The following NXPH3 variants were observed in gnomAD, a reference collection of about 807,000 sequenced individuals.
The protein encoded by NXPH3 is neurexophilin-3.
Under a neutral mutation model 18.8 loss-of-function variants are expected in NXPH3, and 7 were observed. The ratio of observed to expected loss-of-function variants is 0.37; its 90% CI spans 0.21 to 0.70. The LOEUF (loss-of-function observed/expected upper bound fraction) is 0.70. Among genes scored for constraint, NXPH3 ranks in the 30% least tolerant of loss-of-function variants. The pLI is 0.53. For synonymous variants in NXPH3, 101 were observed against 137.3 expected, an observed-to-expected ratio of 0.74 and a Z score of 1.85; for missense variants, 282 against 338.1, an observed-to-expected ratio of 0.83 and a Z score of 1.30.
chr17:49,582,162 C>T lies in NXPH3; in HGVS notation c.*2862C>T, dbSNP rs1439195589. The T allele has an allele frequency of 2.2e-6, 1 of 457,456 alleles. No homozygotes were observed. The highest frequency in any genetic ancestry group is 3.9e-6 in the Non-Finnish European group (1 of 259,438). 28.3% of individuals were successfully genotyped at this position (457,456 alleles called of 1,614,324 possible). ...GGCTAAGAAGACGTCACCTCTGCCC[C>T]ATTGGCGAGCAGTGTCCCCATGGTG... On this transcript the variant is annotated 3_prime_UTR_variant, in exon 2 of 2. Transcript: ENST00000328741.
Position 49,581,949 on chromosome 17 carries a change from C to G in NXPH3, c.*2649C>G. 3.3e-6 allele frequency: 2 copies of G among 603,904 alleles called. No homozygotes were observed. The highest frequency in any genetic ancestry group is 6.1e-4 in the Middle Eastern group (2 of 3,304). The allele number at this position is 603,904 out of a possible 1,614,324, so 37.4% of individuals were successfully genotyped here. ...TAACTTCATTTCACCCTCATGCACA[C>G]TGCCGCCTCATCCCTCCTTTCCACC... On this transcript the variant is annotated 3_prime_UTR_variant, in exon 2 of 2. Transcript: ENST00000328741.
chr17:49,581,810 T>A lies in NXPH3; in HGVS notation c.*2510T>A, dbSNP rs2071602088. ...ACTCTCAGCAGGCACTGGGGGCACT[T>A]TGACCCCCCTCCTGCTCCTCTCCTC... On this transcript the variant is annotated 3_prime_UTR_variant, in exon 2 of 2. Coordinates refer to ENST00000328741, the MANE Select transcript of NXPH3 (RefSeq NM_007225.4). 1 of 701,524 alleles carries A rather than the reference T, an allele frequency of 1.4e-6. No homozygotes were observed. Among genetic ancestry groups the A allele is most frequent in the East Asian group, 2.7e-5 (1 of 37,274 alleles). The allele number at this position is 701,524 out of a possible 1,614,324, so 43.5% of individuals were successfully genotyped here. A position where few individuals can be genotyped will look rare whatever the true frequency, so the allele number is the denominator to read the frequency against.
Position 49,578,096 on chromosome 17 carries a change from CCTGT to C in NXPH3, c.55-496_55-493del, listed in dbSNP as rs1286899262. On this transcript the variant is annotated intron_variant, in intron 1 of 1. Transcript: ENST00000328741. This position sits in a 1 kb window ranked among gnomAD's most constrained non-coding sequence, Gnocchi z 4.5. ...TCTCCCAGGATAAGAATGGTGCTTC[CCTGT>C]CTGACTCGGGGCTGTTTCAGAGCAG... The C allele has an allele frequency of 5.8e-5, 9 of 153,902 alleles. No homozygotes were observed. The highest frequency in any genetic ancestry group is 2.2e-4 in the African/African-American group (9 of 41,490). The allele number at this position is 153,902 out of a possible 1,614,324, so 9.5% of individuals were successfully genotyped here.
At position 49,583,737 on chromosome 17, in the gene NXPH3, C is replaced by T. The variant is rs557951779; in HGVS notation, c.*4437C>T. The T allele has an allele frequency of 2.6e-5, 4 of 152,296 alleles. No individual in the cohort carries two copies. In the South Asian group the frequency reaches 6.2e-4, roughly 24 times the overall value. The allele number at this position is 152,296 out of a possible 1,614,324, so 9.4% of individuals were successfully genotyped here. ...GACAAATGACATAATTTCCCAGAGC[C>T]TCCTTAGATAAAAAACTAGGGCTTT... On this transcript the variant is annotated 3_prime_UTR_variant, in exon 2 of 2. Transcript: ENST00000328741.
At chr17:49,577,318 A>G (rs773367257) in intron 1 of NXPH3, among the ~76,000 whole-genome samples, 4 of 152,176 alleles carry the variant, frequency 2.6e-5, no homozygotes, top group African/African-American at 4.8e-5. Flanking sequence ...GAACACAGGC[A>G]TGAGGACCCC....
Position 49,578,644 on chromosome 17 carries a change from C to G in NXPH3, c.103C>G (p.Arg35Gly). 6.2e-7 allele frequency: 1 copy of G among 1,600,652 alleles called. No homozygotes were observed. The highest frequency in any genetic ancestry group is 8.5e-7 in the Non-Finnish European group (1 of 1,173,900). ...DGPPGSEDPE[R>G]DDHEGQPRPR... Reference sequence around the variant, plus strand: ...TCCTCCCGGCTCAGAGGACCCTGAGCGTGATGACCACGAGGGCCAGCCCCG... The same window carrying G: ...TCCTCCCGGCTCAGAGGACCCTGAGGGTGATGACCACGAGGGCCAGCCCCG... Residue 35 changes from arginine to glycine, a missense_variant, in exon 2 of 2, where the codon CGT becomes GGT. Arg to Gly is a moderately radical substitution (Grantham distance 125, BLOSUM62 -2). Transcript: ENST00000328741. The surrounding 1 kb of genome is among the most constrained non-coding windows in gnomAD (Gnocchi z 4.5).
chr17:49,579,397 C>A lies in NXPH3; in HGVS notation c.*97C>A. 1 of 1,100,904 alleles carries A rather than the reference C, an allele frequency of 9.1e-7. No individual in the cohort carries two copies. Among genetic ancestry groups the A allele is most frequent in the Non-Finnish European group, 1.3e-6 (1 of 774,792 alleles). 68.2% of individuals were successfully genotyped at this position (1,100,904 alleles called of 1,614,324 possible). A position where few individuals can be genotyped will look rare whatever the true frequency, so the allele number is the denominator to read the frequency against. Reference sequence around the variant, plus strand: ...ACCGGGCAGGGAAGGGGTTGGGCCTCAGGCAGGGAGGGGGGTGGAGACGAG... The same window carrying A: ...ACCGGGCAGGGAAGGGGTTGGGCCTAAGGCAGGGAGGGGGGTGGAGACGAG... On this transcript the variant is annotated 3_prime_UTR_variant, in exon 2 of 2. Transcript: ENST00000328741. This position sits in a 1 kb window ranked among gnomAD's most constrained non-coding sequence, Gnocchi z 6.0.
chr17:49,576,062 G>T lies in NXPH3; in HGVS notation c.-158G>T. 2 of 756,352 alleles carry T rather than the reference G, an allele frequency of 2.6e-6. No individual in the cohort carries two copies. Among genetic ancestry groups the T allele is most frequent in the Non-Finnish European group, 4.3e-6 (2 of 468,948 alleles). The allele number at this position is 756,352 out of a possible 1,614,324, so 46.9% of individuals were successfully genotyped here. On this transcript the variant is annotated 5_prime_UTR_variant, in exon 1 of 2. Transcript: ENST00000328741. ...CGGCGGCTGCACAGCTGGACCGAAG[G>T]GGGCGGGGTCGGCCCTGGGCGACCC...
In NXPH3 at chr17:49,579,413, T is replaced by C. The variant is rs765934140; in HGVS notation, c.*113T>C. ...GTTGGGCCTCAGGCAGGGAGGGGGGTGGAGACGAGGAGATGCCAAGTGGGG... is the reference window on the plus strand; with the variant it reads ...GTTGGGCCTCAGGCAGGGAGGGGGGCGGAGACGAGGAGATGCCAAGTGGGG... On this transcript the variant is annotated 3_prime_UTR_variant, in exon 2 of 2. Transcript: ENST00000328741. This position sits in a 1 kb window ranked among gnomAD's most constrained non-coding sequence, Gnocchi z 6.0. The C allele has an allele frequency of 6.0e-5, 56 of 934,636 alleles. No homozygotes were observed. Among genetic ancestry groups the C allele is most frequent in the Non-Finnish European group, 8.4e-5 (53 of 632,990 alleles). 57.9% of individuals were successfully genotyped at this position (934,636 alleles called of 1,614,324 possible). A position where few individuals can be genotyped will look rare whatever the true frequency, so the allele number is the denominator to read the frequency against.
chr17:49,576,162 A>C lies in NXPH3; in HGVS notation c.-58A>C. The C allele has an allele frequency of 4.5e-6, 7 of 1,546,128 alleles. No individual in the cohort carries two copies. Among genetic ancestry groups the C allele is most frequent in the Non-Finnish European group, 5.3e-6 (6 of 1,142,678 alleles). On this transcript the variant is annotated 5_prime_UTR_variant, in exon 1 of 2. Coordinates refer to ENST00000328741, the MANE Select transcript of NXPH3 (RefSeq NM_007225.4). ...GCCTGAAGGAGCAGGAAGGGGAAGG[A>C]GGCCTGGGACCCCGAAAAGAGAAGG...
Position 49,579,402 on chromosome 17 carries a change from A to G in NXPH3, c.*102A>G. 9.6e-7 allele frequency: 1 copy of G among 1,044,384 alleles called. No individual in the cohort carries two copies. Among genetic ancestry groups the G allele is most frequent in the Non-Finnish European group, 1.4e-6 (1 of 725,676 alleles). 64.7% of individuals were successfully genotyped at this position (1,044,384 alleles called of 1,614,324 possible). A position where few individuals can be genotyped will look rare whatever the true frequency, so the allele number is the denominator to read the frequency against. The stretch of plus-strand genomic sequence containing the variant: ...GCAGGGAAGGGGTTGGGCCTCAGGC[A>G]GGGAGGGGGGTGGAGACGAGGAGAT... On this transcript the variant is annotated 3_prime_UTR_variant, in exon 2 of 2. Coordinates refer to ENST00000328741, the MANE Select transcript of NXPH3 (RefSeq NM_007225.4). This position sits in a 1 kb window ranked among gnomAD's most constrained non-coding sequence, Gnocchi z 6.0.
chr17:49,576,296 C>T (rs1416142877), intron 1 of NXPH3, 23 bp downstream of exon 1: 1 of 1,558,452 alleles, frequency 6.4e-7, no homozygotes, highest in Non-Finnish European at 8.7e-7. Flanking sequence ...AGGGGAGCTG[C>T]GCAGAGGGGC....
Position 49,578,404 on chromosome 17 carries a change from G to C in NXPH3, c.55-192G>C, listed in dbSNP as rs544130029. 2.0e-5 allele frequency among the ~76,000 whole-genome samples: 3 copies of C among 151,664 alleles called. No individual in the cohort carries two copies. The highest frequency in any genetic ancestry group is 6.6e-5 in the Admixed American group (1 of 15,244). On this transcript the variant is annotated intron_variant, in intron 1 of 1. Coordinates refer to ENST00000328741, the MANE Select transcript of NXPH3 (RefSeq NM_007225.4). This position sits in a 1 kb window ranked among gnomAD's most constrained non-coding sequence, Gnocchi z 4.5. ...GTGAGGAAAGGACAATGGGGGGGGGGGTGACCCAACTGTCAGAACCTGAGA... is the reference window on the plus strand; with the variant it reads ...GTGAGGAAAGGACAATGGGGGGGGGCGTGACCCAACTGTCAGAACCTGAGA...
rs756446738 is a variant in NXPH3 at position 49,578,897 on chromosome 17, C to T, written c.356C>T (p.Thr119Ile). ...ACGGTGGCCCTGAACCTGCTCGTCA[C>T]AGGGAAGATTGTGGACCATGGCAAT... ...IKTVALNLLV[T>I]GKIVDHGNGT... Residue 119 changes from threonine to isoleucine, a missense_variant, in exon 2 of 2, where the codon ACA becomes ATA. Transcript: ENST00000328741. This position sits in a 1 kb window ranked among gnomAD's most constrained non-coding sequence, Gnocchi z 4.5. 2 of 1,614,172 alleles carry T rather than the reference C, an allele frequency of 1.2e-6. No homozygotes were observed. Among genetic ancestry groups the T allele is most frequent in the Admixed American group, 1.7e-5 (1 of 60,026 alleles).
Position 49,582,077 on chromosome 17 carries a change from C to G in NXPH3, c.*2777C>G, listed in dbSNP as rs2071603526. 1 of 561,782 alleles carries G rather than the reference C, an allele frequency of 1.8e-6. No homozygotes were observed. Among genetic ancestry groups the G allele is most frequent in the Non-Finnish European group, 3.1e-6 (1 of 320,548 alleles). The allele number at this position is 561,782 out of a possible 1,614,324, so 34.8% of individuals were successfully genotyped here. A position where few individuals can be genotyped will look rare whatever the true frequency, so the allele number is the denominator to read the frequency against. On this transcript the variant is annotated 3_prime_UTR_variant, in exon 2 of 2. Coordinates refer to ENST00000328741, the MANE Select transcript of NXPH3 (RefSeq NM_007225.4). ...AGCCCTCTGGTCCCTACTGTTCTTG[C>G]CAGATACTTCTGTGCCCGCTTGGTC... is the stretch of plus-strand genomic sequence containing the variant.
rs1567760312 is a variant in NXPH3, at chr17:49,581,813, A to AC, written c.*2519dup. ...CTCAGCAGGCACTGGGGGCACTTTG[A>AC]CCCCCCTCCTGCTCCTCTCCTCCTG... On this transcript the variant is annotated 3_prime_UTR_variant, in exon 2 of 2. Transcript: ENST00000328741. 4.3e-6 allele frequency: 3 copies of AC among 700,536 alleles called. No homozygotes were observed. The highest frequency in any genetic ancestry group is 5.2e-6 in the Non-Finnish European group (2 of 384,136). 43.4% of individuals were successfully genotyped at this position (700,536 alleles called of 1,614,324 possible).
chr17:49,577,700 C>T (rs763611326), intron 1 of NXPH3: 1 of 152,250 alleles, frequency 6.6e-6, no homozygotes, highest in Non-Finnish European at 1.5e-5. Flanking sequence ...TATGTGAACT[C>T]AGCCTTGTAG....
In NXPH3 at chr17:49,579,217, T is replaced by A; in HGVS notation, c.676T>A (p.Tyr226Asn). 1 of 1,608,154 alleles carries A rather than the reference T, an allele frequency of 6.2e-7. No individual in the cohort carries two copies. The highest frequency in any genetic ancestry group is 8.5e-7 in the Non-Finnish European group (1 of 1,180,014). Residue 226 changes from tyrosine to asparagine, a missense_variant, in exon 2 of 2, where the codon TAC becomes AAC. By Grantham distance (143) the Tyr-to-Asn change is moderately radical (BLOSUM62 -2). Transcript: ENST00000328741. The surrounding 1 kb of genome is among the most constrained non-coding windows in gnomAD (Gnocchi z 6.0). Reference sequence around the variant, plus strand: ...AGTCGTCTGTGTCTACATCGCCTTCTACAGCACGGACTATCGGCTGGTCCA... The same window carrying A: ...AGTCGTCTGTGTCTACATCGCCTTCAACAGCACGGACTATCGGCTGGTCCA... ...FKVVCVYIAF[Y>N]STDYRLVQKV...
chr17:49,581,355 C>T lies in NXPH3; in HGVS notation c.*2055C>T, dbSNP rs548610380. 2.5e-5 allele frequency: 14 copies of T among 560,258 alleles called. No homozygotes were observed. The highest frequency in any genetic ancestry group is 4.4e-5 in the Non-Finnish European group (14 of 318,960). The allele number at this position is 560,258 out of a possible 1,614,324, so 34.7% of individuals were successfully genotyped here. ...CTCTTGGGAGGGCAGCACTCAGGGCCCTTTGGGCCCTCTTGAGGAGAGGAG... is the reference window on the plus strand; with the variant it reads ...CTCTTGGGAGGGCAGCACTCAGGGCTCTTTGGGCCCTCTTGAGGAGAGGAG... On this transcript the variant is annotated 3_prime_UTR_variant, in exon 2 of 2. Coordinates refer to ENST00000328741, the MANE Select transcript of NXPH3 (RefSeq NM_007225.4).
Sources: allele counts gnomAD v4.1 joint callset (sites outside exome capture counted in the v4.1 genomes callset), GRCh38; gene constraint gnomAD v4.1.1; non-coding constraint Gnocchi (gnomAD v3.1); transcripts MANE v1.5; gene names NCBI Gene and HGNC (gene_info 2026-07-23, HGNC 2026-07-21).